SMIM8: variants seen among roughly 807,000 people sequenced by gnomAD.
The protein encoded by SMIM8 is UPF0708 protein C6orf162.
In SMIM8, 8 loss-of-function variants were observed where a neutral mutation model predicts 8.1. The observed-to-expected ratio is 0.99, with a 90% CI of 0.58 to 1.78. The LOEUF (loss-of-function observed/expected upper bound fraction) is 1.78, where lower values mean the gene tolerates loss of function less well. Ranked by LOEUF, SMIM8 falls within the 40% of genes most tolerant of loss-of-function variation. SMIM8 has a pLI of 0.00. For missense variants in SMIM8, 126 were observed against 119.8 expected (o/e 1.05, Z -0.24); for synonymous variants, 45 against 39.7 (o/e 1.13, Z -0.50).
At chr6:87,339,325 CGTGTGTGT>C (rs59321615) in intron 3 of SMIM8, among the ~76,000 whole-genome samples, 49,660 of 123,960 alleles carry the variant, frequency 0.4, 10,605 homozygotes, top group Non-Finnish European at 0.51. Context: ...CAAAACACAG[CGTGTGTGT>C]GTGTGTGTGT....
chr6:87,338,097 T>C (rs1777152169), intron 3 of SMIM8, among the ~76,000 whole-genome samples: 1 of 152,214 alleles, frequency 6.6e-6, no homozygotes, highest in Non-Finnish European at 1.5e-5. Flanking sequence ...GATCATTAAA[T>C]CAAGGTAAAA....
intron 2 of SMIM8, among the ~76,000 whole-genome samples, chr6:87,331,821 C>G (rs939570114): frequency 1.3e-5 from 2 of 151,952 alleles, no homozygotes; most frequent in African/African-American, 4.8e-5. Flanking sequence ...AGCAATAAAA[C>G]TGAGCTGTTT....
chr6:87,332,424 T>C (rs1429748714), intron 2 of SMIM8, among the ~76,000 whole-genome samples: 1 of 149,120 alleles, frequency 6.7e-6, no homozygotes, highest in African/African-American at 2.4e-5. Context: ...AAGTCCAAAA[T>C]TATATACAGT....
intron 1 of SMIM8, among the ~76,000 whole-genome samples, chr6:87,329,626 A>G (rs1776943914): frequency 6.6e-6 from 1 of 152,236 alleles, no homozygotes; most frequent in Admixed American, 6.5e-5. Context: ...GTTTTACCTT[A>G]AAAACAACAT....
chr6:87,335,096 G>A (rs1777078145), intron 2 of SMIM8, among the ~76,000 whole-genome samples: 1 of 152,194 alleles, frequency 6.6e-6, no homozygotes, highest in African/African-American at 2.4e-5. Context: ...AGCAACATGA[G>A]TAAGCCATTG....
At chr6:87,331,753 C>T in intron 2 of SMIM8, among the ~76,000 whole-genome samples, 1 of 151,934 alleles carries the variant, frequency 6.6e-6, no homozygotes, top group Non-Finnish European at 1.5e-5. Flanking sequence ...TAAATAAGTT[C>T]ATGGAATTTT....
At chr6:87,339,769 C>T (rs1016112857) in intron 3 of SMIM8, among the ~76,000 whole-genome samples, 11 of 152,160 alleles carry the variant, frequency 7.2e-5, no homozygotes, top group Non-Finnish European at 1.2e-4. Flanking sequence ...TTAAGCAGCT[C>T]CTCCACTTCA....
rs944830587 is a variant in SMIM8, at chr6:87,342,307, A to C, written c.*2033A>C. 2 of 152,218 alleles carry C rather than the reference A, an allele frequency of 1.3e-5. No homozygotes were observed. Among genetic ancestry groups the C allele is most frequent in the Non-Finnish European group, 2.9e-5 (2 of 68,034 alleles). The allele number at this position is 152,218 out of a possible 1,614,324, so 9.4% of individuals were successfully genotyped here. ...AATGAGGGTATAACCATCAAAAATA[A>C]AATACCTTTCAAATAGTCCAAAGAT... On this transcript the variant is annotated 3_prime_UTR_variant, in exon 4 of 4. Transcript: ENST00000392863.
intron 1 of SMIM8, among the ~76,000 whole-genome samples, chr6:87,324,750 T>C (rs975619316): frequency 3.9e-5 from 6 of 152,252 alleles, no homozygotes; most frequent in Admixed American, 6.5e-5. Flanking sequence ...CTTGGCGATG[T>C]GGGCTCTTTT....
At chr6:87,330,219 C>T (rs1406098322) in intron 1 of SMIM8, among the ~76,000 whole-genome samples, 2 of 152,160 alleles carry the variant, frequency 1.3e-5, no homozygotes, top group African/African-American at 4.8e-5. Context: ...ATTATACTTT[C>T]ATTAAAATAT....
chr6:87,332,310 C>G (rs1357357525), intron 2 of SMIM8, among the ~76,000 whole-genome samples: 1 of 118,332 alleles, frequency 8.5e-6, no homozygotes, highest in Non-Finnish European at 1.7e-5. Context: ...CTCCTCCTCT[C>G]CTCCCCCCCC....
At chr6:87,325,479 G>T (rs1442848696) in intron 1 of SMIM8, among the ~76,000 whole-genome samples, 1 of 103,488 alleles carries the variant, frequency 9.7e-6, no homozygotes, top group East Asian at 2.5e-4. Context: ...AGCATGAAGG[G>T]TTATTGAATT....
rs1447639898 is a variant in SMIM8 at position 87,341,203 on chromosome 6, C to CT, written c.*934dup. 1 of 398,256 alleles carries CT rather than the reference C, an allele frequency of 2.5e-6. No individual in the cohort carries two copies. The highest frequency in any genetic ancestry group is 4.4e-6 in the Non-Finnish European group (1 of 225,892). The allele number at this position is 398,256 out of a possible 1,614,324, so 24.7% of individuals were successfully genotyped here. A position where few individuals can be genotyped will look rare whatever the true frequency, so the allele number is the denominator to read the frequency against. On this transcript the variant is annotated 3_prime_UTR_variant, in exon 4 of 4. Coordinates refer to ENST00000392863, the MANE Select transcript of SMIM8 (RefSeq NM_001042493.3). ...TTTTGAAGTTTATATGCCAGCAGGC[C>CT]TTTTTGTTTTTTTCCTTTTCAGAAT...
chr6:87,329,071 T>G (rs967599559), intron 1 of SMIM8: 2 of 153,104 alleles, frequency 1.3e-5, no homozygotes, highest in African/African-American at 2.4e-5. Context: ...CCTGACCCCT[T>G]GCACTTCCCG....
At position 87,337,164 on chromosome 6, in the gene SMIM8, C is replaced by G. The variant is rs759427513; in HGVS notation, c.133C>G (p.Pro45Ala). The G allele has an allele frequency of 1.4e-5, 23 of 1,608,068 alleles. No homozygotes were observed. The South Asian group carries it at 2.6e-4, about 18-fold the overall frequency. ...RAVNPELFIKPNKPVMAFGLV... is the reference protein window; with the variant it reads ...RAVNPELFIKANKPVMAFGLV... The stretch of plus-strand genomic sequence containing the variant: ...TGTGAATCCAGAGCTCTTCATTAAA[C>G]CTGTAAGAAATACATCCAGGATAAG... Residue 45 changes from proline to alanine, a missense_variant and splice_region_variant, in exon 3 of 4, where the codon CCT becomes GCT. By Grantham distance (27) the Pro-to-Ala change is conservative. Transcript: ENST00000392863.
intron 2 of SMIM8, among the ~76,000 whole-genome samples, chr6:87,336,224 C>G (rs1303597619): frequency 2.0e-5 from 3 of 152,146 alleles, no homozygotes; most frequent in African/African-American, 7.2e-5. Context: ...CACCTCCCAT[C>G]CCAGCATTAG....
chr6:87,330,059 C>T (rs1776958711), intron 1 of SMIM8, among the ~76,000 whole-genome samples: 1 of 152,116 alleles, frequency 6.6e-6, no homozygotes, highest in Non-Finnish European at 1.5e-5. Flanking sequence ...TGAGGTTATG[C>T]TATGTTTCCC....
At chr6:87,337,827 T>TA (rs1374978789) in intron 3 of SMIM8, among the ~76,000 whole-genome samples, 2 of 152,068 alleles carry the variant, frequency 1.3e-5, no homozygotes, top group Non-Finnish European at 1.5e-5. Context: ...GGTGTGTCAG[T>TA]ATATTGCCCA....
chr6:87,335,845 CAAAAAAAAA>C (rs35840147), intron 2 of SMIM8, among the ~76,000 whole-genome samples: 580 of 55,994 alleles, frequency 0.01, 6 homozygotes, highest in South Asian at 0.053. Flanking sequence ...CCGTCCCTAC[CAAAAAAAAA>C]AAAAAAAAAA....
Sources: allele counts gnomAD v4.1 joint callset (sites outside exome capture counted in the v4.1 genomes callset), GRCh38; gene constraint gnomAD v4.1.1; transcripts MANE v1.5; gene names NCBI Gene and HGNC (gene_info 2026-07-23, HGNC 2026-07-21).